Variants in KCND2 observed in about 807,000 individuals in gnomAD.
KCND2 encodes the protein A-type voltage-gated potassium channel KCND2.
KCND2 carries 16 observed loss-of-function variants against 54.4 expected under a neutral mutation model. That is an observed-to-expected ratio of 0.29 (90% CI 0.20 to 0.45). KCND2 has a LOEUF of 0.45. KCND2 is among the 20% of genes least tolerant of loss of function. The probability of loss-of-function intolerance (pLI) is 1.00; values close to 1 mark genes in which losing one functional copy is unlikely to be tolerated. For synonymous variants in KCND2, 317 were observed against 310.7 expected (o/e 1.02, Z -0.21); for missense variants, 486 against 824.2 (o/e 0.59, Z 5.02).
chr7:120,540,433 A>G (rs1791965552), intron 1 of KCND2, among the ~76,000 whole-genome samples: 1 of 152,306 alleles, frequency 6.6e-6, no homozygotes, highest in East Asian at 1.9e-4. Context: ...AATATTATCC[A>G]GATGGTTTGA....
At chr7:120,540,402 A>G (rs1214910718) in intron 1 of KCND2, among the ~76,000 whole-genome samples, 1 of 152,154 alleles carries the variant, frequency 6.6e-6, no homozygotes, top group African/African-American at 2.4e-5. Flanking sequence ...TTTAAGTTTC[A>G]TATCTCAATA....
At chr7:120,325,532 G>A (rs1177702755) in intron 1 of KCND2, among the ~76,000 whole-genome samples, 1 of 151,094 alleles carries the variant, frequency 6.6e-6, no homozygotes, top group Non-Finnish European at 1.5e-5. Flanking sequence ...TTTTGTCAAA[G>A]GCCTTTTCTG....
intron 1 of KCND2, among the ~76,000 whole-genome samples, chr7:120,294,293 T>C (rs1799477381): frequency 6.6e-6 from 1 of 151,900 alleles, no homozygotes. Context: ...ACTTTAGAAA[T>C]TGAGTTTATA....
chr7:120,426,234 T>C (rs1801704148), intron 1 of KCND2, among the ~76,000 whole-genome samples: 1 of 152,126 alleles, frequency 6.6e-6, no homozygotes, highest in Admixed American at 6.5e-5. Flanking sequence ...AAATATATTT[T>C]ACAAACTTTG....
intron 1 of KCND2, among the ~76,000 whole-genome samples, chr7:120,335,484 T>C (rs974424377): frequency 1.3e-5 from 2 of 149,014 alleles, no homozygotes; most frequent in African/African-American, 2.5e-5. Context: ...TATTTATTTA[T>C]TTATTTATTT....
chr7:120,499,362 T>G (rs73437821), intron 1 of KCND2, among the ~76,000 whole-genome samples: 3,998 of 152,260 alleles, frequency 0.026, 156 homozygotes, highest in African/African-American at 0.09. Flanking sequence ...ATTCATTTCA[T>G]TTTATATTTA....
rs575338285 is a variant in KCND2 at position 120,447,249 on chromosome 7, A to C, written c.1115+171502A>C. On this transcript the variant is annotated intron_variant, in intron 1 of 5. Coordinates refer to ENST00000331113, the MANE Select transcript of KCND2 (RefSeq NM_012281.3). ...CTTTGTGAGATCCCATCTGTGTGAC[A>C]TTCACGTTCTTAGTCTCTCTAAAGG... Among the ~76,000 whole-genome samples the C allele has an allele frequency of 1.3e-3, 200 of 152,110 alleles. 1 individual carries two copies. The highest frequency in any genetic ancestry group is 2.3e-3 in the Non-Finnish European group (154 of 67,990).
intron 1 of KCND2, among the ~76,000 whole-genome samples, chr7:120,727,730 A>AT (rs1227869987): frequency 6.6e-6 from 1 of 152,140 alleles, no homozygotes; most frequent in Non-Finnish European, 1.5e-5. Context: ...AGCCATAAAC[A>AT]TGAGGTCTGG....
At chr7:120,673,392 A>T (rs1022917855) in intron 1 of KCND2, among the ~76,000 whole-genome samples, 2 of 151,976 alleles carry the variant, frequency 1.3e-5, no homozygotes, top group Admixed American at 1.3e-4. Context: ...TCAAAATCTG[A>T]TTCTCTTCTT....
intron 1 of KCND2, among the ~76,000 whole-genome samples, chr7:120,412,847 A>AT (rs1424443642): frequency 3.9e-5 from 6 of 152,120 alleles, no homozygotes; most frequent in East Asian, 1.9e-4. Flanking sequence ...CCATTTTAAG[A>AT]TTTTTTAGGC....
chr7:120,421,161 A>G (rs1433998847), intron 1 of KCND2, among the ~76,000 whole-genome samples: 1 of 152,216 alleles, frequency 6.6e-6, no homozygotes, highest in Non-Finnish European at 1.5e-5. Flanking sequence ...AGTGCCTGCC[A>G]CTTCTGTTAA....
intron 1 of KCND2, among the ~76,000 whole-genome samples, chr7:120,518,143 G>A (rs1803223172): frequency 2.0e-5 from 3 of 152,048 alleles, no homozygotes; most frequent in Admixed American, 2.0e-4. Flanking sequence ...GAACAGGAAA[G>A]CACACTTGTG....
intron 1 of KCND2, among the ~76,000 whole-genome samples, chr7:120,598,460 C>G (rs1792774435): frequency 6.7e-6 from 1 of 150,064 alleles, no homozygotes; most frequent in Admixed American, 6.8e-5. Flanking sequence ...AATAAACTGC[C>G]AAACTATTTT....
intron 1 of KCND2, among the ~76,000 whole-genome samples, chr7:120,515,604 C>T (rs1349309979): frequency 6.6e-6 from 1 of 151,986 alleles, no homozygotes; most frequent in Non-Finnish European, 1.5e-5. Flanking sequence ...GATATGTTCC[C>T]CTGTTAATGC....
intron 1 of KCND2, among the ~76,000 whole-genome samples, chr7:120,580,986 C>G (rs1792507632): frequency 1.3e-5 from 2 of 152,182 alleles, no homozygotes; most frequent in African/African-American, 4.8e-5. Context: ...TCCAATAATT[C>G]ATTTAAGCCA....
At chr7:120,644,909 A>G (rs1293195427) in intron 1 of KCND2, among the ~76,000 whole-genome samples, 2 of 152,260 alleles carry the variant, frequency 1.3e-5, no homozygotes, top group South Asian at 4.1e-4. Context: ...TATTTATTGA[A>G]TGAATTCACA....
intron 1 of KCND2, among the ~76,000 whole-genome samples, chr7:120,343,246 G>A (rs578054528): frequency 1.3e-5 from 2 of 152,104 alleles, no homozygotes; most frequent in African/African-American, 2.4e-5. Flanking sequence ...GTGTGCCAAG[G>A]AGAAGAATGC....
intron 1 of KCND2, among the ~76,000 whole-genome samples, chr7:120,473,314 T>C (rs944569241): frequency 3.3e-5 from 5 of 152,184 alleles, no homozygotes; most frequent in African/African-American, 1.2e-4. Flanking sequence ...GCGCTCATCG[T>C]CACTCTCACA....
At chr7:120,487,577 A>G (rs1802713108) in intron 1 of KCND2, among the ~76,000 whole-genome samples, 1 of 152,018 alleles carries the variant, frequency 6.6e-6, no homozygotes, top group Non-Finnish European at 1.5e-5. Flanking sequence ...GTTGGGTGAG[A>G]TCTCTGAGGT....
Sources: gnomAD v4.1 joint callset for allele counts (sites outside exome capture counted in the v4.1 genomes callset) on GRCh38, gnomAD v4.1.1 for gene constraint, MANE v1.5 for transcripts, NCBI Gene and HGNC (gene_info 2026-07-23, HGNC 2026-07-21) for gene names.